The following PCDH7 variants were observed in gnomAD, a reference collection of about 807,000 sequenced individuals.
The protein encoded by PCDH7 is protocadherin 7, also known as protocadherin-7.
In PCDH7, 17 loss-of-function variants were observed where a neutral mutation model predicts 58.9. The observed-to-expected ratio is 0.29, with a 90% CI of 0.20 to 0.43. The LOEUF is 0.43. Ranked by LOEUF, PCDH7 falls within the 20% of genes least tolerant of loss-of-function variation. The pLI is 1.00. For synonymous variants in PCDH7, 664 were observed against 616.4 expected (o/e 1.08, Z -1.14); for missense variants, 1,274 against 1,441.0 (o/e 0.88, Z 1.88).
chr4:30,852,833 A>C, intron 1 of PCDH7, among the ~76,000 whole-genome samples: 1 of 136,080 alleles, frequency 7.3e-6, no homozygotes, highest in Admixed American at 7.0e-5. Flanking sequence ...GCACAGGAAA[A>C]AAAAAAAAAA....
chr4:31,006,453 C>G (rs1323002230), intron 3 of PCDH7, among the ~76,000 whole-genome samples: 1 of 152,000 alleles, frequency 6.6e-6, no homozygotes, highest in Non-Finnish European at 1.5e-5. Context: ...AGCTGAGAGG[C>G]CTAGTAGTTA....
intron 1 of PCDH7, among the ~76,000 whole-genome samples, chr4:30,900,029 A>T (rs1740009921): frequency 6.6e-6 from 1 of 152,168 alleles, no homozygotes; most frequent in African/African-American, 2.4e-5. Context: ...GTTTTCCTAA[A>T]ACCATATCGT....
At chr4:31,014,818 A>T (rs921443478) in intron 3 of PCDH7, among the ~76,000 whole-genome samples, 18 of 152,136 alleles carry the variant, frequency 1.2e-4, no homozygotes, top group African/African-American at 4.1e-4. Flanking sequence ...AGGCCTCTCC[A>T]GCCACTCATT....
exon 2 of PCDH7, chr4:30,732,028 A>G (rs1318651267): frequency 1.3e-5 from 2 of 152,152 alleles, no homozygotes; most frequent in African/African-American, 4.8e-5. Flanking sequence ...ATAGCCACTT[A>G]AGAAAAATAA....
chr4:30,794,619 A>G (rs1399389002), intron 1 of PCDH7, among the ~76,000 whole-genome samples: 1 of 151,466 alleles, frequency 6.6e-6, no homozygotes, highest in Non-Finnish European at 1.5e-5. Flanking sequence ...TTTAAGTTTA[A>G]TTTTTTTTTC....
chr4:31,101,210 T>C (rs1470087895), intron 3 of PCDH7, among the ~76,000 whole-genome samples: 1 of 152,152 alleles, frequency 6.6e-6, no homozygotes, highest in Admixed American at 6.5e-5. Context: ...TCTTGCAAGA[T>C]TTATAAGAAC....
chr4:30,881,569 G>A (rs549211222), intron 1 of PCDH7, among the ~76,000 whole-genome samples: 12 of 152,098 alleles, frequency 7.9e-5, no homozygotes, highest in Middle Eastern at 3.2e-3. Flanking sequence ...TTTTACCACC[G>A]TTTCTAGCTT....
chr4:30,927,639 A>G (rs1358268480), intron 2 of PCDH7, among the ~76,000 whole-genome samples: 2 of 152,084 alleles, frequency 1.3e-5, no homozygotes, highest in Non-Finnish European at 2.9e-5. Flanking sequence ...GTGCTTTGTT[A>G]AACAGATGCT....
intron 3 of PCDH7, among the ~76,000 whole-genome samples, chr4:31,085,529 C>T (rs993658819): frequency 1.3e-5 from 2 of 152,144 alleles, no homozygotes; most frequent in African/African-American, 4.8e-5. Flanking sequence ...CTTTAGCCTA[C>T]TCCCAGGAAT....
chr4:31,022,701 T>C (rs1349186046), intron 3 of PCDH7, among the ~76,000 whole-genome samples: 1 of 152,174 alleles, frequency 6.6e-6, no homozygotes, highest in Non-Finnish European at 1.5e-5. Flanking sequence ...AAAGTATGAA[T>C]ACCAAATTTG....
chr4:31,006,410 G>A (rs1251879140), intron 3 of PCDH7, among the ~76,000 whole-genome samples: 8 of 152,166 alleles, frequency 5.3e-5, no homozygotes, highest in Admixed American at 5.2e-4. Context: ...CATAGTTAAA[G>A]GATGCTATTT....
chr4:30,768,358 A>G (rs1004104866), intron 1 of PCDH7, among the ~76,000 whole-genome samples: 3 of 73,126 alleles, frequency 4.1e-5, no homozygotes, highest in Non-Finnish European at 7.8e-5. Flanking sequence ...TTATTACTGG[A>G]AATGTCAGAA....
chr4:31,033,891 C>G (rs1009920727), intron 3 of PCDH7, among the ~76,000 whole-genome samples: 1 of 152,164 alleles, frequency 6.6e-6, no homozygotes, highest in African/African-American at 2.4e-5. Flanking sequence ...GTCAGGAGTT[C>G]GAGACCAGCC....
chr4:30,762,059 A>G (rs1720100486), intron 1 of PCDH7, among the ~76,000 whole-genome samples: 1 of 152,188 alleles, frequency 6.6e-6, no homozygotes, highest in Non-Finnish European at 1.5e-5. Context: ...ATATAAATAT[A>G]TAATAAAATA....
chr4:31,030,397 T>C (rs914476783), intron 3 of PCDH7, among the ~76,000 whole-genome samples: 4 of 152,294 alleles, frequency 2.6e-5, no homozygotes, highest in Middle Eastern at 3.4e-3. Context: ...AACTTTTGCA[T>C]TTAGGAATGC....
At chr4:30,990,950 A>G (rs1751418504) in intron 3 of PCDH7, among the ~76,000 whole-genome samples, 1 of 152,184 alleles carries the variant, frequency 6.6e-6, no homozygotes, top group African/African-American at 2.4e-5. Flanking sequence ...TTACATATAT[A>G]ATGAAAGAAA....
At chr4:30,767,921 G>A (rs866813839) in intron 1 of PCDH7, among the ~76,000 whole-genome samples, 71 of 152,212 alleles carry the variant, frequency 4.7e-4, no homozygotes, top group African/African-American at 1.7e-3. Flanking sequence ...TGGCAAGATT[G>A]CAGTTTGCAA....
chr4:30,822,789 C>G (rs1472725878), intron 1 of PCDH7, among the ~76,000 whole-genome samples: 1 of 152,122 alleles, frequency 6.6e-6, no homozygotes, highest in African/African-American at 2.4e-5. Context: ...TGGACTACCC[C>G]TCTGTTTTCT....
At chr4:31,130,791 T>C (rs1037970065) in intron 3 of PCDH7, among the ~76,000 whole-genome samples, 4 of 152,184 alleles carry the variant, frequency 2.6e-5, no homozygotes, top group African/African-American at 9.6e-5. Flanking sequence ...CATCACTTTA[T>C]TCTTACATGG....
Sources: gnomAD v4.1 joint callset for allele counts (sites outside exome capture counted in the v4.1 genomes callset) on GRCh38, gnomAD v4.1.1 for gene constraint, MANE v1.5 for transcripts, NCBI Gene and HGNC (gene_info 2026-07-23, HGNC 2026-07-21) for gene names.